Variants in GRID2 observed in about 807,000 individuals in gnomAD.
GRID2 encodes the protein glutamate ionotropic receptor delta type subunit 2, also known as glutamate receptor ionotropic, delta-2.
In GRID2, 33 loss-of-function variants were observed where a neutral mutation model predicts 114.8. The ratio of observed to expected loss-of-function variants is 0.29; its 90% CI spans 0.22 to 0.38. The LOEUF is 0.38. Among genes scored for constraint, GRID2 ranks in the 10% least tolerant of loss-of-function variants. The probability of loss-of-function intolerance (pLI) is 1.00; values close to 1 mark genes in which losing one functional copy is unlikely to be tolerated. For missense variants in GRID2, 1,184 were observed against 1,257.7 expected (o/e 0.94, Z 0.89); for synonymous variants, 505 against 449.9 (o/e 1.12, Z -1.55).
chr4:93,750,724 C>G (rs902705113), intron 14 of GRID2, among the ~76,000 whole-genome samples: 1 of 151,978 alleles, frequency 6.6e-6, no homozygotes, highest in Non-Finnish European at 1.5e-5. Flanking sequence ...CCACTACACT[C>G]CAGACTGGGT....
At chr4:92,949,806 G>A (rs1327258089) in intron 2 of GRID2, among the ~76,000 whole-genome samples, 1 of 151,758 alleles carries the variant, frequency 6.6e-6, no homozygotes, top group Non-Finnish European at 1.5e-5. Context: ...ATGTTTTTCT[G>A]TGTCCATGAG....
intron 2 of GRID2, among the ~76,000 whole-genome samples, chr4:92,819,335 G>GT (rs1238257335): frequency 1.3e-5 from 2 of 152,120 alleles, no homozygotes; most frequent in African/African-American, 4.8e-5. Flanking sequence ...GGCATCAGAA[G>GT]TTTTTAAGCT....
intron 2 of GRID2, among the ~76,000 whole-genome samples, chr4:92,677,681 C>T (rs1330728734): frequency 6.6e-6 from 1 of 152,122 alleles, no homozygotes; most frequent in Non-Finnish European, 1.5e-5. Flanking sequence ...TTCCCTTTCT[C>T]TCTCATGATA....
chr4:93,206,449 G>T (rs188864320), intron 4 of GRID2, among the ~76,000 whole-genome samples: 14 of 152,056 alleles, frequency 9.2e-5, no homozygotes, highest in Non-Finnish European at 1.8e-4. Flanking sequence ...GAGTATTATT[G>T]CTAAAAACAA....
At chr4:93,273,284 C>G (rs1258846305) in intron 8 of GRID2, among the ~76,000 whole-genome samples, 7 of 152,098 alleles carry the variant, frequency 4.6e-5, no homozygotes, top group African/African-American at 1.7e-4. Flanking sequence ...TTTTACTTTA[C>G]TTCTAAGGTA....
chr4:92,643,817 T>C (rs902277515), intron 2 of GRID2, among the ~76,000 whole-genome samples: 13 of 151,748 alleles, frequency 8.6e-5, no homozygotes, highest in Non-Finnish European at 1.8e-4. Flanking sequence ...TCAGAAGATA[T>C]TTTACATTTG....
At chr4:92,335,029 T>C (rs1579197145) in intron 1 of GRID2, among the ~76,000 whole-genome samples, 1 of 152,248 alleles carries the variant, frequency 6.6e-6, no homozygotes. Flanking sequence ...GAATTTGAAC[T>C]GATACAATAG....
At chr4:93,618,935 A>T (rs1259525510) in intron 13 of GRID2, among the ~76,000 whole-genome samples, 1 of 152,196 alleles carries the variant, frequency 6.6e-6, no homozygotes, top group African/African-American at 2.4e-5. Flanking sequence ...GAATGCTTTT[A>T]AAAACTTTAA....
intron 1 of GRID2, among the ~76,000 whole-genome samples, chr4:92,459,359 T>G (rs1028852529): frequency 2.0e-5 from 3 of 152,218 alleles, no homozygotes; most frequent in Admixed American, 2.0e-4. Flanking sequence ...TATTATATAC[T>G]AGCGTAACAT....
intron 1 of GRID2, among the ~76,000 whole-genome samples, chr4:92,538,015 A>G (rs1725739024): frequency 6.6e-6 from 1 of 152,102 alleles, no homozygotes; most frequent in Admixed American, 6.5e-5. Context: ...CTTTTCTCAG[A>G]AGTAGTCATT....
chr4:92,705,946 G>A (rs1734935366), intron 2 of GRID2, among the ~76,000 whole-genome samples: 1 of 152,128 alleles, frequency 6.6e-6, no homozygotes, highest in South Asian at 2.1e-4. Flanking sequence ...TGTGACTCCA[G>A]GTCCCTGAAC....
intron 8 of GRID2, among the ~76,000 whole-genome samples, chr4:93,280,231 T>C (rs946526517): frequency 2.0e-4 from 31 of 151,916 alleles, no homozygotes; most frequent in Non-Finnish European, 3.8e-4. Flanking sequence ...GGGCCCTCTT[T>C]AGGGAGTCCT....
chr4:92,745,497 A>T (rs1737108255), intron 2 of GRID2, among the ~76,000 whole-genome samples: 1 of 152,192 alleles, frequency 6.6e-6, no homozygotes, highest in South Asian at 2.1e-4. Context: ...ATTAGGGAGC[A>T]GGACAGTTGT....
At chr4:93,705,342 T>G (rs1727900716) in intron 14 of GRID2, among the ~76,000 whole-genome samples, 1 of 151,858 alleles carries the variant, frequency 6.6e-6, no homozygotes, top group African/African-American at 2.4e-5. Context: ...TTTTTTTTCT[T>G]CTTCCTGAAA....
chr4:92,977,332 G>T (rs1354516885), intron 2 of GRID2, among the ~76,000 whole-genome samples: 1 of 152,072 alleles, frequency 6.6e-6, no homozygotes, highest in Non-Finnish European at 1.5e-5. Context: ...AAAATTTCTG[G>T]GAGAGGTACA....
At chr4:93,285,371 A>T (rs1011594149) in intron 8 of GRID2, among the ~76,000 whole-genome samples, 4 of 152,092 alleles carry the variant, frequency 2.6e-5, no homozygotes, top group African/African-American at 7.2e-5. Context: ...TTTCTGTGTA[A>T]GAAAAATAGT....
At chr4:92,809,748 A>C (rs1157693656) in intron 2 of GRID2, among the ~76,000 whole-genome samples, 1 of 152,066 alleles carries the variant, frequency 6.6e-6, no homozygotes, top group Admixed American at 6.6e-5. Flanking sequence ...CTGTATCACT[A>C]TAGTTGCATT....
At chr4:92,713,473 ATACATATATATATATATAT>A (rs1369025983) in intron 2 of GRID2, among the ~76,000 whole-genome samples, 1 of 72,262 alleles carries the variant, frequency 1.4e-5, no homozygotes, top group Non-Finnish European at 2.6e-5. Flanking sequence ...ACATATACAT[ATACATATATATATATATAT>A]ATATATATAT....
chr4:92,542,742 C>A (rs1279718929), intron 1 of GRID2, among the ~76,000 whole-genome samples: 1 of 150,908 alleles, frequency 6.6e-6, no homozygotes, highest in Non-Finnish European at 1.5e-5. Context: ...CTTTTCCATG[C>A]AACTAAACAT....
Sources: gnomAD v4.1 joint callset for allele counts (sites outside exome capture counted in the v4.1 genomes callset) on GRCh38, gnomAD v4.1.1 for gene constraint, MANE v1.5 for transcripts, NCBI Gene and HGNC (gene_info 2026-07-23, HGNC 2026-07-21) for gene names.